Variants in WDPCP observed in about 807,000 individuals in gnomAD.
WDPCP encodes the protein WD repeat containing planar cell polarity effector.
Under a neutral mutation model 93.1 loss-of-function variants are expected in WDPCP, and 71 were observed. That is an observed-to-expected ratio of 0.76 (90% CI 0.63 to 0.93). The LOEUF (loss-of-function observed/expected upper bound fraction) is 0.93, where lower values mean the gene tolerates loss of function less well. Among genes scored for constraint, WDPCP ranks in the 40% least tolerant of loss-of-function variants. WDPCP has a pLI of 0.00. For missense variants in WDPCP, 844 were observed against 887.4 expected, an observed-to-expected ratio of 0.95 and a Z score of 0.62; for synonymous variants, 315 against 315.0, an observed-to-expected ratio of 1.00 and a Z score of 0.00.
intron 2 of WDPCP, among the ~76,000 whole-genome samples, chr2:63,791,086 T>G (rs889066793): frequency 3.9e-5 from 6 of 152,224 alleles, no homozygotes; most frequent in African/African-American, 1.4e-4. Context: ...ACATTTTTTC[T>G]CTTGACTCAC....
intron 6 of WDPCP, among the ~76,000 whole-genome samples, chr2:63,467,669 G>A (rs1316970977): frequency 2.6e-5 from 4 of 151,144 alleles, no homozygotes; most frequent in African/African-American, 7.3e-5. Context: ...CCAGCTACTC[G>A]GTAGGCTAAG....
chr2:63,189,149 G>C (rs1042635742), intron 14 of WDPCP, among the ~76,000 whole-genome samples: 2 of 152,066 alleles, frequency 1.3e-5, no homozygotes, highest in African/African-American at 4.8e-5. Context: ...CTGCAGAACC[G>C]CAGAGTCTCT....
At position 63,338,563 on chromosome 2, in the gene WDPCP, AAAAAAAATATAT is replaced by A. The variant is rs1476163402; in HGVS notation, c.1749-25264_1749-25253del. Among the ~76,000 whole-genome samples the A allele has an allele frequency of 1.9e-3, 166 of 86,470 alleles. 12 individuals carry two copies. Among genetic ancestry groups the A allele is most frequent in the Non-Finnish European group, 2.7e-3 (118 of 43,184 alleles). 56.7% of individuals were successfully genotyped at this position (86,470 alleles called of 152,430 possible). On this transcript the variant is annotated intron_variant, in intron 12 of 17. Transcript: ENST00000272321. ...GCAAAACTCCATCTAAAAAAAAAAA[AAAAAAAATATAT>A]ATATATATATATATATATATATATA... is the stretch of plus-strand genomic sequence containing the variant.
At chr2:63,187,084 G>C (rs1474459993) in intron 14 of WDPCP, among the ~76,000 whole-genome samples, 1 of 152,022 alleles carries the variant, frequency 6.6e-6, no homozygotes, top group Non-Finnish European at 1.5e-5. Flanking sequence ...ATATCATCCT[G>C]GTGAATTGAC....
intron 2 of WDPCP, among the ~76,000 whole-genome samples, chr2:63,701,818 A>G (rs1038105292): frequency 5.3e-5 from 8 of 152,168 alleles, no homozygotes; most frequent in Non-Finnish European, 1.2e-4. Flanking sequence ...TGAAATAGAG[A>G]ACAGATTGGT....
At chr2:63,746,464 G>A (rs957283958) in intron 2 of WDPCP, among the ~76,000 whole-genome samples, 24 of 152,228 alleles carry the variant, frequency 1.6e-4, no homozygotes, top group African/African-American at 5.5e-4. Context: ...TTAAAGTCTG[G>A]CTGCCTGTGG....
In WDPCP at chr2:63,684,023, C is replaced by T. The variant is rs150203031; in HGVS notation, n.309-33185G>A. ...AGATTAACCCTAATACAATGATAGC[C>T]GGAGACTTCAACACACCACTTTCAG... is the stretch of plus-strand genomic sequence containing the variant. On this transcript the variant is annotated intron_variant and non_coding_transcript_variant, in intron 2 of 4. Transcript: ENST00000467687. Among the ~76,000 whole-genome samples the T allele has an allele frequency of 9.2e-3, 1,402 of 152,134 alleles. 17 individuals are homozygous for T. The highest frequency in any genetic ancestry group is 0.024 in the South Asian group (113 of 4,806).
At chr2:63,658,211 T>C (rs1710189659) in intron 2 of WDPCP, among the ~76,000 whole-genome samples, 1 of 152,206 alleles carries the variant, frequency 6.6e-6, no homozygotes, top group Non-Finnish European at 1.5e-5. Flanking sequence ...CCAATGTGTG[T>C]TTTATATGGC....
At chr2:63,589,312 A>T (rs775236943), upstream of WDPCP, 2 of 1,550,630 alleles carry the variant, frequency 1.3e-6, no homozygotes, top group Non-Finnish European at 1.7e-6. Context: ...ATCCTGCTGC[A>T]TGACGGGAGG....
At chr2:63,701,554 T>C (rs906032263) in intron 2 of WDPCP, among the ~76,000 whole-genome samples, 2 of 152,206 alleles carry the variant, frequency 1.3e-5, no homozygotes, top group Admixed American at 6.5e-5. Flanking sequence ...TACTTCCAAG[T>C]TTATTGCAGC....
At chr2:63,308,532 G>C (rs1685927176) in intron 13 of WDPCP, among the ~76,000 whole-genome samples, 1 of 152,188 alleles carries the variant, frequency 6.6e-6, no homozygotes, top group African/African-American at 2.4e-5. Flanking sequence ...AGAAAATGTG[G>C]CACATATACA....
At chr2:63,771,422 C>G (rs956969860) in intron 2 of WDPCP, among the ~76,000 whole-genome samples, 1 of 151,932 alleles carries the variant, frequency 6.6e-6, no homozygotes, top group Non-Finnish European at 1.5e-5. Flanking sequence ...TACACAAAAC[C>G]TGTAGGCCCA....
intron 2 of WDPCP, among the ~76,000 whole-genome samples, chr2:63,663,854 G>A (rs907703625): frequency 1.3e-5 from 2 of 152,156 alleles, no homozygotes; most frequent in African/African-American, 4.8e-5. Context: ...TTCACATCAT[G>A]CATTTGTGGA....
At chr2:63,368,688 T>G (rs1237605788) in intron 12 of WDPCP, 1 of 151,420 alleles carries the variant, frequency 6.6e-6, no homozygotes, top group Non-Finnish European at 1.5e-5. Flanking sequence ...GCCTCCCAAG[T>G]AGCTGGAACT....
chr2:63,427,293 C>T (rs566363646), intron 9 of WDPCP, among the ~76,000 whole-genome samples: 12 of 152,292 alleles, frequency 7.9e-5, no homozygotes, highest in Non-Finnish European at 1.5e-4. Context: ...ACATTCTTCT[C>T]ATCTGCACAA....
intron 17 of WDPCP, among the ~76,000 whole-genome samples, chr2:63,145,145 G>A (rs1175340764): frequency 6.6e-6 from 1 of 152,164 alleles, no homozygotes; most frequent in Non-Finnish European, 1.5e-5. Flanking sequence ...ACCAGTGCCT[G>A]TTCCAGTGGA....
At chr2:63,325,957 T>G (rs1687499080) in intron 12 of WDPCP, among the ~76,000 whole-genome samples, 1 of 152,188 alleles carries the variant, frequency 6.6e-6, no homozygotes, top group African/African-American at 2.4e-5. Context: ...GTGGCATACC[T>G]AAGTAAGGAA....
At position 63,174,700 on chromosome 2, in the gene WDPCP, T is replaced by G. The variant is rs759847898; in HGVS notation, c.2048A>C (p.Gln683Pro). Residue 683 changes from glutamine (Q) to proline (P), a missense_variant, in exon 15 of 18, where the codon CAA becomes CCA. By Grantham distance (76) the Gln-to-Pro change is moderately conservative. Transcript: ENST00000272321. ...PSCPTHRHILQQRILNGSSNR... is the reference protein window; with the variant it reads ...PSCPTHRHILPQRILNGSSNR... ...AGAAGAGCCATTCAGTATTCTTTGT[T>G]GTAAAATATGTCTGTGGGTTGGGCA... 1 of 1,613,874 alleles carries G rather than the reference T, an allele frequency of 6.2e-7. No individual in the cohort carries two copies. Among genetic ancestry groups the G allele is most frequent in the Non-Finnish European group, 8.5e-7 (1 of 1,179,906 alleles).
chr2:63,657,458 G>A (rs187520902), intron 2 of WDPCP, among the ~76,000 whole-genome samples: 1,779 of 152,008 alleles, frequency 0.012, 14 homozygotes, highest in Non-Finnish European at 0.014. Context: ...TGCCCGCCTC[G>A]GCCTCCCAAA....
Sources: allele counts gnomAD v4.1 joint callset (sites outside exome capture counted in the v4.1 genomes callset), GRCh38; gene constraint gnomAD v4.1.1; transcripts MANE v1.5; gene names NCBI Gene and HGNC (gene_info 2026-07-23, HGNC 2026-07-21).